RAB3IP: variants seen among roughly 807,000 people sequenced by gnomAD.
RAB3IP encodes RAB3A interacting protein.
Under a neutral mutation model 59.1 loss-of-function variants are expected in RAB3IP, and 36 were observed. The ratio of observed to expected loss-of-function variants is 0.61; its 90% CI spans 0.47 to 0.80. RAB3IP has a LOEUF of 0.80. RAB3IP is among the 30% of genes least tolerant of loss of function. RAB3IP has a pLI of 0.00. For missense variants in RAB3IP, 511 were observed against 536.0 expected (o/e 0.95, Z 0.46); for synonymous variants, 207 against 191.2 (o/e 1.08, Z -0.68).
intron 3 of RAB3IP, among the ~76,000 whole-genome samples, chr12:69,769,187 A>C (rs534994013): frequency 1.3e-5 from 2 of 152,272 alleles, no homozygotes; most frequent in South Asian, 4.1e-4. Context: ...TCTTTCTTTC[A>C]TAAATTGCCC....
chr12:69,785,702 C>A (rs1006440776), intron 4 of RAB3IP, among the ~76,000 whole-genome samples: 1 of 152,160 alleles, frequency 6.6e-6, no homozygotes, highest in Non-Finnish European at 1.5e-5. Context: ...CTCAGTCTAC[C>A]AATGTAAATG....
At chr12:69,739,758 C>A in intron 1 of RAB3IP, 1 of 1,471,864 alleles carries the variant, frequency 6.8e-7, no homozygotes, top group Non-Finnish European at 9.5e-7. Flanking sequence ...TGACAACTCG[C>A]CCCGACCGCC....
intron 3 of RAB3IP, among the ~76,000 whole-genome samples, chr12:69,775,315 G>A (rs952064947): frequency 7.2e-6 from 1 of 138,504 alleles, no homozygotes; most frequent in Non-Finnish European, 1.5e-5. Context: ...ATTTTGGGCT[G>A]AGACGATGGT....
At chr12:69,784,452 A>G (rs1171708144) in intron 3 of RAB3IP, among the ~76,000 whole-genome samples, 2 of 149,696 alleles carry the variant, frequency 1.3e-5, no homozygotes, top group Admixed American at 1.3e-4. Flanking sequence ...TATATTATAT[A>G]TAGTTTATAT....
chr12:69,784,461 A>G (rs1473416850), intron 3 of RAB3IP, among the ~76,000 whole-genome samples: 1 of 149,846 alleles, frequency 6.7e-6, no homozygotes, highest in African/African-American at 2.4e-5. Context: ...TATAGTTTAT[A>G]TATATAATGT....
At position 69,822,586 on chromosome 12, in the gene RAB3IP, AGAAG is replaced by A. The variant is rs1429001284; in HGVS notation, c.*7144_*7147del. 6.6e-6 allele frequency: 1 copy of A among 152,168 alleles called. No individual in the cohort carries two copies. Among genetic ancestry groups the A allele is most frequent in the Non-Finnish European group, 1.5e-5 (1 of 68,040 alleles). The allele number at this position is 152,168 out of a possible 1,614,324, so 9.4% of individuals were successfully genotyped here. A position where few individuals can be genotyped will look rare whatever the true frequency, so the allele number is the denominator to read the frequency against. ...TTGGGTAATGGGTGTAAAAATCTAT[AGAAG>A]GAATATGATCTGTTGTTTGGTAGCA... is the stretch of plus-strand genomic sequence containing the variant. On this transcript the variant is annotated 3_prime_UTR_variant, in exon 11 of 11. Coordinates refer to ENST00000247833, the MANE Select transcript of RAB3IP (RefSeq NM_022456.5).
At position 69,822,345 on chromosome 12, in the gene RAB3IP, C is replaced by T. The variant is rs897588127; in HGVS notation, c.*6899C>T. 16 of 151,990 alleles carry T rather than the reference C, an allele frequency of 1.1e-4. No individual in the cohort carries two copies. The highest frequency in any genetic ancestry group is 1.8e-4 in the Non-Finnish European group (12 of 68,030). 9.4% of individuals were successfully genotyped at this position (151,990 alleles called of 1,614,324 possible). ...AACTGCTTAAACTTTGGATATTGCC[C>T]CAGCCAACACATTCTGCCACAGAGA... is the stretch of plus-strand genomic sequence containing the variant. On this transcript the variant is annotated 3_prime_UTR_variant, in exon 11 of 11. Coordinates refer to ENST00000247833, the MANE Select transcript of RAB3IP (RefSeq NM_022456.5).
chr12:69,798,216 G>C (rs375988812), intron 6 of RAB3IP, among the ~76,000 whole-genome samples: 27 of 152,172 alleles, frequency 1.8e-4, no homozygotes, highest in Middle Eastern at 3.4e-3. Context: ...GATTGCCATT[G>C]TAACTGGTGT....
At chr12:69,813,778 A>C (rs112046653) in intron 10 of RAB3IP, among the ~76,000 whole-genome samples, 2 of 151,874 alleles carry the variant, frequency 1.3e-5, no homozygotes, top group Non-Finnish European at 2.9e-5. Context: ...TTCCCTGTTT[A>C]TATTTTTTAG....
At chr12:69,758,566 A>G (rs1870600373) in intron 3 of RAB3IP, among the ~76,000 whole-genome samples, 1 of 151,906 alleles carries the variant, frequency 6.6e-6, no homozygotes, top group East Asian at 1.9e-4. Context: ...GTATACTTTT[A>G]TTTTTCCCCT....
rs1195593020 is a variant in RAB3IP at position 69,819,851 on chromosome 12, G to A, written c.*4405G>A. ...TGGCTCCCAAAAACTGGGAAGGTTAGTTAGGTGGCCACTCCTCTCTCTTCA... is the reference window on the plus strand; with the variant it reads ...TGGCTCCCAAAAACTGGGAAGGTTAATTAGGTGGCCACTCCTCTCTCTTCA... On this transcript the variant is annotated 3_prime_UTR_variant, in exon 11 of 11. Transcript: ENST00000247833. The A allele has an allele frequency of 6.6e-6, 1 of 150,994 alleles. No homozygotes were observed. Among genetic ancestry groups the A allele is most frequent in the Admixed American group, 6.5e-5 (1 of 15,284 alleles). 9.4% of individuals were successfully genotyped at this position (150,994 alleles called of 1,614,324 possible).
chr12:69,798,618 G>C (rs1014413721), intron 6 of RAB3IP, among the ~76,000 whole-genome samples: 1 of 152,098 alleles, frequency 6.6e-6, no homozygotes, highest in African/African-American at 2.4e-5. Context: ...GTCCTGAATG[G>C]TATTGCATAG....
At chr12:69,792,439 A>G (rs1367973593) in intron 4 of RAB3IP, among the ~76,000 whole-genome samples, 2 of 152,214 alleles carry the variant, frequency 1.3e-5, no homozygotes, top group Non-Finnish European at 2.9e-5. Context: ...TCATATTGCA[A>G]CAGCAGAGCT....
intron 3 of RAB3IP, among the ~76,000 whole-genome samples, chr12:69,782,664 A>G (rs1024484621): frequency 6.6e-5 from 10 of 152,260 alleles, no homozygotes; most frequent in East Asian, 3.9e-4. Context: ...AGTTTATCAC[A>G]TAGGTCATTT....
At chr12:69,763,736 A>G (rs540395395) in intron 3 of RAB3IP, among the ~76,000 whole-genome samples, 10 of 152,162 alleles carry the variant, frequency 6.6e-5, no homozygotes, top group South Asian at 4.2e-4. Context: ...ATAGTACCCA[A>G]TTGTTAGTTT....
intron 6 of RAB3IP, among the ~76,000 whole-genome samples, chr12:69,798,214 T>G (rs1417883008): frequency 6.6e-6 from 1 of 152,216 alleles, no homozygotes; most frequent in Non-Finnish European, 1.5e-5. Flanking sequence ...ATGATTGCCA[T>G]TGTAACTGGT....
In RAB3IP at chr12:69,813,039, T is replaced by A; in HGVS notation, c.1300+6T>A. On this transcript the variant is annotated splice_donor_region_variant and intron_variant, in intron 10 of 10. Coordinates refer to ENST00000247833, the MANE Select transcript of RAB3IP (RefSeq NM_022456.5). ...ACTCGTGAAACAGCAGGATGGTGAG[T>A]GTTCTTGATTCAATATAAGTCTTTA... 6.2e-7 allele frequency: 1 copy of A among 1,601,442 alleles called. No individual in the cohort carries two copies. Among genetic ancestry groups the A allele is most frequent in the African/African-American group, 1.3e-5 (1 of 74,490 alleles).
intron 1 of RAB3IP, among the ~76,000 whole-genome samples, chr12:69,741,983 G>A (rs1887390489): frequency 6.6e-6 from 1 of 152,166 alleles, no homozygotes; most frequent in Admixed American, 6.5e-5. Flanking sequence ...CATCTACTCT[G>A]CAAGTCACAG....
chr12:69,815,983 A>T lies in RAB3IP; in HGVS notation c.*537A>T, dbSNP rs1881096826. 6.6e-6 allele frequency: 1 copy of T among 152,634 alleles called. No homozygotes were observed. The highest frequency in any genetic ancestry group is 3.2e-3 in the Middle Eastern group (1 of 316). 9.5% of individuals were successfully genotyped at this position (152,634 alleles called of 1,614,324 possible). On this transcript the variant is annotated 3_prime_UTR_variant, in exon 11 of 11. Coordinates refer to ENST00000247833, the MANE Select transcript of RAB3IP (RefSeq NM_022456.5). ...ACAAAGTTTGAAAGTTACTATTTTAATTATTCTGCTCTCTGTAACTGAAAG... is the reference window on the plus strand; with the variant it reads ...ACAAAGTTTGAAAGTTACTATTTTATTTATTCTGCTCTCTGTAACTGAAAG...
Sources: allele counts gnomAD v4.1 joint callset (sites outside exome capture counted in the v4.1 genomes callset), GRCh38; gene constraint gnomAD v4.1.1; transcripts MANE v1.5; gene names NCBI Gene and HGNC (gene_info 2026-07-23, HGNC 2026-07-21).